RYR2: variants seen among roughly 807,000 people sequenced by gnomAD.
RYR2 encodes ryanodine receptor 2, also known as cardiac muscle ryanodine receptor-calcium release channel.
RYR2 carries 227 observed loss-of-function variants against 601.1 expected under a neutral mutation model. The observed-to-expected ratio is 0.38, with a 90% CI of 0.34 to 0.42. The LOEUF (loss-of-function observed/expected upper bound fraction) is 0.42. Ranked by LOEUF, RYR2 falls within the 10% of genes least tolerant of loss-of-function variation. The pLI is 1.00. For synonymous variants in RYR2, 2,223 were observed against 2,175.1 expected (o/e 1.02, Z -0.61); for missense variants, 4,646 against 6,156.5 (o/e 0.75, Z 8.21).
intron 10 of RYR2, among the ~76,000 whole-genome samples, chr1:237,402,388 TA>T (rs759222041): frequency 2.8e-4 from 40 of 141,186 alleles, no homozygotes; most frequent in African/African-American, 6.3e-4. Context: ...CCCTATCTCT[TA>T]AAAAAAAAAG....
At chr1:237,126,036 A>T (rs1393147081) in intron 1 of RYR2, among the ~76,000 whole-genome samples, 2 of 152,226 alleles carry the variant, frequency 1.3e-5, no homozygotes, top group Non-Finnish European at 2.9e-5. Context: ...CAGGAGTTTG[A>T]GACCACCCTG....
chr1:237,472,004 A>C (rs1281773161), intron 17 of RYR2, among the ~76,000 whole-genome samples: 1 of 152,218 alleles, frequency 6.6e-6, no homozygotes, highest in African/African-American at 2.4e-5. Context: ...TCAGACTTGC[A>C]ATATGACCAT....
At chr1:237,269,430 C>T (rs970508919) in intron 1 of RYR2, among the ~76,000 whole-genome samples, 34 of 151,906 alleles carry the variant, frequency 2.2e-4, no homozygotes, top group African/African-American at 8.0e-4. Flanking sequence ...CACCTCTGCC[C>T]TGCCATACTA....
chr1:237,477,353 T>C (rs1471767017), intron 17 of RYR2, among the ~76,000 whole-genome samples: 2 of 152,134 alleles, frequency 1.3e-5, no homozygotes, highest in African/African-American at 4.8e-5. Context: ...ATCACACCAC[T>C]GCATTCCAGC....
At chr1:237,646,128 C>T (rs377079255) in intron 48 of RYR2, among the ~76,000 whole-genome samples, 10 of 152,058 alleles carry the variant, frequency 6.6e-5, no homozygotes, top group East Asian at 1.9e-4. Context: ...CGGCACATCT[C>T]GGCCTCCCAA....
At chr1:237,491,364 C>T (rs1399403803) in intron 17 of RYR2, among the ~76,000 whole-genome samples, 2 of 152,066 alleles carry the variant, frequency 1.3e-5, no homozygotes, top group African/African-American at 2.4e-5. Flanking sequence ...ATAAACTGGC[C>T]CTAACCCACC....
At chr1:237,515,902 TTCTC>T (rs1558953282) in intron 24 of RYR2, among the ~76,000 whole-genome samples, 5 of 141,090 alleles carry the variant, frequency 3.5e-5, no homozygotes, top group African/African-American at 8.0e-5. Context: ...CCTCTTCTCC[TTCTC>T]CCTCTTCTCC....
chr1:237,127,556 G>T (rs1184753096), intron 1 of RYR2, among the ~76,000 whole-genome samples: 3 of 148,790 alleles, frequency 2.0e-5, no homozygotes, highest in Admixed American at 1.3e-4. Context: ...CTGGCCTGGC[G>T]GGGGGCTGAC....
intron 1 of RYR2, among the ~76,000 whole-genome samples, chr1:237,132,560 G>C (rs1672276579): frequency 6.6e-6 from 1 of 152,206 alleles, no homozygotes; most frequent in Non-Finnish European, 1.5e-5. Context: ...TGGTGAACTT[G>C]AAGAGAGGTC....
At chr1:237,647,016 G>A (rs758149407) in intron 48 of RYR2, among the ~76,000 whole-genome samples, 2 of 152,212 alleles carry the variant, frequency 1.3e-5, no homozygotes, top group Non-Finnish European at 2.9e-5. Context: ...AGCAGGATCG[G>A]TGAGCTTCTC....
chr1:237,353,658 G>A (rs1181137759), intron 3 of RYR2, among the ~76,000 whole-genome samples: 1 of 151,824 alleles, frequency 6.6e-6, no homozygotes, highest in Admixed American at 6.6e-5. Context: ...TTAAATAACT[G>A]TTGTTTCTTT....
At chr1:237,448,752 A>G (rs1657699810) in intron 14 of RYR2, among the ~76,000 whole-genome samples, 1 of 152,028 alleles carries the variant, frequency 6.6e-6, no homozygotes, top group African/African-American at 2.4e-5. Flanking sequence ...CTCTGGTAAT[A>G]TTCTTTTCTA....
intron 10 of RYR2, among the ~76,000 whole-genome samples, chr1:237,408,333 A>T (rs1704107267): frequency 6.7e-6 from 1 of 148,632 alleles, no homozygotes; most frequent in Non-Finnish European, 1.5e-5. Flanking sequence ...CCATTGTATT[A>T]GGTCTGTGAT....
At chr1:237,507,325 T>C (rs370116756) in intron 23 of RYR2, among the ~76,000 whole-genome samples, 2 of 152,368 alleles carry the variant, frequency 1.3e-5, no homozygotes, top group South Asian at 2.1e-4. Flanking sequence ...TTCTAAATGA[T>C]ACTTTGCTAA....
intron 80 of RYR2, among the ~76,000 whole-genome samples, chr1:237,754,827 T>C (rs1254086857): frequency 6.6e-6 from 1 of 152,214 alleles, no homozygotes; most frequent in Non-Finnish European, 1.5e-5. Flanking sequence ...TGGTTTTGTG[T>C]GTCTGTGTGG....
chr1:237,795,886 A>G (rs1053814475), intron 96 of RYR2, among the ~76,000 whole-genome samples: 6,744 of 147,372 alleles, frequency 0.046, 190 homozygotes, highest in East Asian at 0.078. Context: ...ACATATATAT[A>G]TACACACATA....
At chr1:237,731,969 T>C in intron 77 of RYR2, 77 bp from the exon 78 acceptor site, 2 of 841,824 alleles carry the variant, frequency 2.4e-6, no homozygotes, top group Admixed American at 2.0e-5. Flanking sequence ...TCTTCATTGC[T>C]GTCCTTCACA....
At chr1:237,670,632 A>G (rs1005918085) in intron 58 of RYR2, among the ~76,000 whole-genome samples, 1 of 152,198 alleles carries the variant, frequency 6.6e-6, no homozygotes, top group Non-Finnish European at 1.5e-5. Context: ...CTTTTTTTAA[A>G]CTATGTTTAA....
intron 1 of RYR2, among the ~76,000 whole-genome samples, chr1:237,138,954 C>T (rs1038382361): frequency 6.6e-6 from 1 of 152,188 alleles, no homozygotes; most frequent in Non-Finnish European, 1.5e-5. Flanking sequence ...CCTGGTATAG[C>T]TGCCACGGAA....
Sources: gnomAD v4.1 joint callset for allele counts (sites outside exome capture counted in the v4.1 genomes callset) on GRCh38, gnomAD v4.1.1 for gene constraint, MANE v1.5 for transcripts, NCBI Gene and HGNC (gene_info 2026-07-23, HGNC 2026-07-21) for gene names.